Variants in MYO3B observed in about 807,000 individuals in gnomAD.
MYO3B encodes the protein myosin IIIB.
Under a neutral mutation model 174.6 loss-of-function variants are expected in MYO3B, and 156 were observed. That is an observed-to-expected ratio of 0.89 (90% CI 0.78 to 1.02). The LOEUF is 1.02. MYO3B is among the 50% of genes least tolerant of loss of function. The probability of loss-of-function intolerance (pLI) is 0.00; values close to 1 mark genes in which losing one functional copy is unlikely to be tolerated. For synonymous variants in MYO3B, 563 were observed against 569.1 expected (o/e 0.99, Z 0.15); for missense variants, 1,632 against 1,639.4 (o/e 1.00, Z 0.08).
Position 170,493,609 on chromosome 2 carries a change from A to G in MYO3B, c.3015-4983A>G, listed in dbSNP as rs377169948. On this transcript the variant is annotated intron_variant, in intron 25 of 34. Coordinates refer to ENST00000408978, the MANE Select transcript of MYO3B (RefSeq NM_138995.5). ...ATATTCCTCCCTTCATTCCTCTCCTATTGAATGTGATCTGGACTTAGTGAC... is the reference window on the plus strand; with the variant it reads ...ATATTCCTCCCTTCATTCCTCTCCTGTTGAATGTGATCTGGACTTAGTGAC... Among the ~76,000 whole-genome samples, 104 of 152,246 alleles carry G rather than the reference A, an allele frequency of 6.8e-4. 1 individual carries two copies. The highest frequency in any genetic ancestry group is 2.5e-3 in the African/African-American group (102 of 41,546).
chr2:170,639,805 AC>A, intron 32 of MYO3B, among the ~76,000 whole-genome samples: 1 of 152,166 alleles, frequency 6.6e-6, no homozygotes, highest in East Asian at 1.9e-4. Context: ...ACAGCACTGT[AC>A]CTCTGGAAAC....
At chr2:170,181,753 T>C (rs1244453404) in intron 1 of MYO3B, among the ~76,000 whole-genome samples, 4 of 152,184 alleles carry the variant, frequency 2.6e-5, no homozygotes, top group Non-Finnish European at 4.4e-5. Context: ...TTTTTGATTA[T>C]ATATGTAAAG....
intron 22 of MYO3B, among the ~76,000 whole-genome samples, chr2:170,414,277 TC>T (rs1205064995): frequency 3.9e-5 from 6 of 152,016 alleles, no homozygotes; most frequent in African/African-American, 1.4e-4. Flanking sequence ...AACATCCATC[TC>T]CCAGGTTCAA....
rs185924370 is a variant in MYO3B, at chr2:170,513,273, C to A, written c.3371-1648C>A. Among the ~76,000 whole-genome samples, 5 of 152,314 alleles carry A rather than the reference C, an allele frequency of 3.3e-5. No homozygotes were observed. The East Asian group carries it at 9.6e-4, about 29-fold the overall frequency. ...TGAAAACAACAGAAACTTATTCTGT[C>A]ACAGTTCTAGAGGCTAGAAGTCCAT... On this transcript the variant is annotated intron_variant, in intron 28 of 34. Coordinates refer to ENST00000408978, the MANE Select transcript of MYO3B (RefSeq NM_138995.5).
At chr2:170,520,496 TATATACACACAC>T (rs923381861) in intron 30 of MYO3B, among the ~76,000 whole-genome samples, 1 of 151,170 alleles carries the variant, frequency 6.6e-6, no homozygotes. Flanking sequence ...TATACACACA[TATATACACACAC>T]ACACATATAT....
At chr2:170,604,414 G>T (rs951889183) in intron 32 of MYO3B, among the ~76,000 whole-genome samples, 2 of 151,996 alleles carry the variant, frequency 1.3e-5, no homozygotes, top group African/African-American at 4.8e-5. Flanking sequence ...AATCTTTTGT[G>T]CTATTTAACT....
chr2:170,605,595 C>T (rs990144035), intron 32 of MYO3B, among the ~76,000 whole-genome samples: 110 of 152,160 alleles, frequency 7.2e-4, no homozygotes, highest in Non-Finnish European at 1.0e-4. Context: ...CGGTGGCTCA[C>T]GCCTGCAATC....
chr2:170,506,697 A>G (rs1005192938), intron 28 of MYO3B, among the ~76,000 whole-genome samples: 2 of 152,246 alleles, frequency 1.3e-5, no homozygotes, highest in South Asian at 2.1e-4. Context: ...CTAAAACAAT[A>G]CAAAGAGTAC....
intron 32 of MYO3B, among the ~76,000 whole-genome samples, chr2:170,618,234 T>A (rs140764096): frequency 1.3e-5 from 2 of 152,136 alleles, no homozygotes; most frequent in Non-Finnish European, 2.9e-5. Flanking sequence ...TAGACCTCGA[T>A]AGGAGCATCC....
chr2:170,326,323 A>T (rs1042215012), intron 7 of MYO3B, among the ~76,000 whole-genome samples: 7 of 152,194 alleles, frequency 4.6e-5, no homozygotes, highest in Non-Finnish European at 7.3e-5. Context: ...TAAAATAATA[A>T]TTTTTTTAAA....
chr2:170,508,943 T>C (rs1687789722), intron 28 of MYO3B, among the ~76,000 whole-genome samples: 1 of 152,186 alleles, frequency 6.6e-6, no homozygotes, highest in South Asian at 2.1e-4. Flanking sequence ...AGTACCTGGC[T>C]CATGGTACGT....
chr2:170,416,818 G>GTTGTTTTTT (rs2094582662), intron 22 of MYO3B, among the ~76,000 whole-genome samples: 1 of 116,124 alleles, frequency 8.6e-6, no homozygotes, highest in African/African-American at 3.3e-5. Flanking sequence ...TTTTTCTGTT[G>GTTGTTTTTT]TTTTTTTTTT....
intron 22 of MYO3B, among the ~76,000 whole-genome samples, chr2:170,442,313 T>C (rs1251089516): frequency 6.6e-6 from 1 of 152,190 alleles, no homozygotes; most frequent in African/African-American, 2.4e-5. Context: ...TTAGCCATAA[T>C]AGCAGGTATG....
intron 32 of MYO3B, among the ~76,000 whole-genome samples, chr2:170,575,005 AT>A (rs1320042549): frequency 6.6e-6 from 1 of 152,164 alleles, no homozygotes; most frequent in Non-Finnish European, 1.5e-5. Context: ...TTCACTGGGA[AT>A]AAGCGTGTGT....
intron 7 of MYO3B, among the ~76,000 whole-genome samples, chr2:170,300,406 C>A (rs1253440358): frequency 6.6e-6 from 1 of 152,070 alleles, no homozygotes; most frequent in Non-Finnish European, 1.5e-5. Flanking sequence ...AATATCAATA[C>A]CTCTTATATT....
chr2:170,631,577 AGAGCAAC>A (rs1350828669), intron 32 of MYO3B, among the ~76,000 whole-genome samples: 2 of 151,944 alleles, frequency 1.3e-5, no homozygotes, highest in Non-Finnish European at 1.5e-5. Flanking sequence ...CTCCTGGAGA[AGAGCAAC>A]TCCAAGACAC....
intron 7 of MYO3B, among the ~76,000 whole-genome samples, chr2:170,295,520 A>G (rs1345326315): frequency 6.6e-6 from 1 of 152,080 alleles, no homozygotes; most frequent in African/African-American, 2.4e-5. Flanking sequence ...TGGGACTTAA[A>G]AAGCTTTAAC....
At chr2:170,500,948 A>G (rs1687229141) in intron 27 of MYO3B, among the ~76,000 whole-genome samples, 2 of 152,208 alleles carry the variant, frequency 1.3e-5, no homozygotes, top group Admixed American at 1.3e-4. Flanking sequence ...TAGACAAATG[A>G]TTATGAAAGC....
intron 30 of MYO3B, among the ~76,000 whole-genome samples, chr2:170,524,157 G>GT (rs200600321): frequency 6.6e-6 from 1 of 152,090 alleles, no homozygotes; most frequent in African/African-American, 2.4e-5. Context: ...TGCTATGCCA[G>GT]TTTTTTTTCC....
Sources: gnomAD v4.1 joint callset for allele counts (sites outside exome capture counted in the v4.1 genomes callset) on GRCh38, gnomAD v4.1.1 for gene constraint, MANE v1.5 for transcripts, NCBI Gene and HGNC (gene_info 2026-07-23, HGNC 2026-07-21) for gene names.